Variants in GPC5 observed in about 807,000 individuals in gnomAD.
GPC5 encodes glypican-5.
GPC5 carries 47 observed loss-of-function variants against 53.9 expected under a neutral mutation model. That is an observed-to-expected ratio of 0.87 (90% CI 0.69 to 1.11). The LOEUF is 1.11. GPC5 is among the 50% of genes most tolerant of loss of function. The probability of loss-of-function intolerance (pLI) is 0.00; values close to 1 mark genes in which losing one functional copy is unlikely to be tolerated. For synonymous variants in GPC5, 286 were observed against 263.3 expected, an observed-to-expected ratio of 1.09 and a Z score of -0.84; for missense variants, 748 against 713.1, an observed-to-expected ratio of 1.05 and a Z score of -0.56.
chr13:92,209,674 CTG>C (rs1199292044), intron 7 of GPC5, among the ~76,000 whole-genome samples: 1 of 151,204 alleles, frequency 6.6e-6, no homozygotes, highest in Non-Finnish European at 1.5e-5. Context: ...ACTGCATTAA[CTG>C]TAAAAAAAAA....
At chr13:92,348,836 C>A (rs1566550596) in intron 7 of GPC5, among the ~76,000 whole-genome samples, 1 of 152,018 alleles carries the variant, frequency 6.6e-6, no homozygotes, top group African/African-American at 2.4e-5. Context: ...TGGGTCAATA[C>A]AATTTTTAAA....
intron 6 of GPC5, among the ~76,000 whole-genome samples, chr13:92,050,589 G>A (rs7993328): frequency 2.0e-5 from 3 of 152,006 alleles, no homozygotes; most frequent in Admixed American, 6.6e-5. Flanking sequence ...AGACAGCAGT[G>A]GGAAGACAGG....
At chr13:92,066,516 T>C (rs188947142) in intron 6 of GPC5, among the ~76,000 whole-genome samples, 14 of 152,094 alleles carry the variant, frequency 9.2e-5, no homozygotes, top group Non-Finnish European at 8.8e-5. Flanking sequence ...CAATTAACTT[T>C]CACGTGAGTT....
intron 7 of GPC5, among the ~76,000 whole-genome samples, chr13:92,517,519 G>C (rs1880842823): frequency 6.6e-6 from 1 of 152,114 alleles, no homozygotes; most frequent in African/African-American, 2.4e-5. Flanking sequence ...AGCAACATTT[G>C]CTGTTATATT....
intron 7 of GPC5, among the ~76,000 whole-genome samples, chr13:92,163,802 C>T (rs9523522): frequency 0.21 from 31,517 of 152,082 alleles, 3,901 homozygotes; most frequent in Non-Finnish European, 0.3. Flanking sequence ...ATTTTGTATT[C>T]GTTCTCACAC....
chr13:92,530,352 G>C (rs1477432659), intron 7 of GPC5, among the ~76,000 whole-genome samples: 1 of 152,104 alleles, frequency 6.6e-6, no homozygotes, highest in Non-Finnish European at 1.5e-5. Context: ...TTTATTCAAG[G>C]ACACATGTAG....
At chr13:91,529,242 A>C (rs1886228192) in intron 2 of GPC5, among the ~76,000 whole-genome samples, 1 of 152,226 alleles carries the variant, frequency 6.6e-6, no homozygotes, top group Non-Finnish European at 1.5e-5. Flanking sequence ...ATAAAAATTA[A>C]GAGCTTCATG....
chr13:91,457,744 T>C (rs1237729032), intron 2 of GPC5, among the ~76,000 whole-genome samples: 1 of 152,128 alleles, frequency 6.6e-6, no homozygotes, highest in Non-Finnish European at 1.5e-5. Context: ...CTGCTTTCGT[T>C]TTCATCCTTT....
At chr13:91,804,941 CA>C (rs2038196767) in intron 5 of GPC5, among the ~76,000 whole-genome samples, 1 of 152,186 alleles carries the variant, frequency 6.6e-6, no homozygotes, top group Admixed American at 6.5e-5. Context: ...TCAAGAATGT[CA>C]GGTAGCAGAA....
At chr13:92,559,443 G>A (rs1413373818) in intron 7 of GPC5, among the ~76,000 whole-genome samples, 4 of 151,322 alleles carry the variant, frequency 2.6e-5, no homozygotes, top group South Asian at 2.1e-4. Flanking sequence ...CCTTTCTAAG[G>A]AGAGACTGCC....
At chr13:91,995,933 T>C (rs943511570) in intron 6 of GPC5, 2 of 152,204 alleles carry the variant, frequency 1.3e-5, no homozygotes, top group African/African-American at 2.4e-5. Flanking sequence ...GTGAGACTGA[T>C]GGGCTCTACC....
chr13:92,646,781 T>A (rs79661971), intron 7 of GPC5, among the ~76,000 whole-genome samples: 3 of 148,796 alleles, frequency 2.0e-5, no homozygotes, highest in East Asian at 3.9e-4. Context: ...TTTTGATGTA[T>A]TGCAAATGGT....
At chr13:92,787,988 GA>G (rs1195722637) in intron 7 of GPC5, among the ~76,000 whole-genome samples, 1 of 151,698 alleles carries the variant, frequency 6.6e-6, no homozygotes, top group Admixed American at 6.6e-5. Context: ...TAATATTAAA[GA>G]ATGAGGATTT....
chr13:92,829,334 A>C (rs1248024300), intron 7 of GPC5, among the ~76,000 whole-genome samples: 1 of 152,232 alleles, frequency 6.6e-6, no homozygotes, highest in Non-Finnish European at 1.5e-5. Flanking sequence ...AAAGGTGACA[A>C]GTCAAATATC....
At chr13:91,830,174 C>A (rs1001650927) in intron 5 of GPC5, among the ~76,000 whole-genome samples, 1 of 151,948 alleles carries the variant, frequency 6.6e-6, no homozygotes, top group Non-Finnish European at 1.5e-5. Context: ...CCCCCAGGCA[C>A]GTATTCTCTT....
intron 7 of GPC5, among the ~76,000 whole-genome samples, chr13:92,850,481 C>A (rs562600345): frequency 2.9e-4 from 44 of 152,200 alleles, no homozygotes; most frequent in African/African-American, 9.4e-4. Flanking sequence ...GCACCTGTAG[C>A]ACAGCTACTT....
At chr13:91,606,838 TTC>T (rs2033384140) in intron 2 of GPC5, among the ~76,000 whole-genome samples, 1 of 152,094 alleles carries the variant, frequency 6.6e-6, no homozygotes, top group South Asian at 2.1e-4. Flanking sequence ...TATTTGATTC[TTC>T]TCTCTTTTTT....
chr13:92,452,374 A>T (rs910787379), intron 7 of GPC5, among the ~76,000 whole-genome samples: 2 of 152,220 alleles, frequency 1.3e-5, no homozygotes, highest in Admixed American at 1.3e-4. Flanking sequence ...ACTCAACAAC[A>T]AAAATAAGAA....
At chr13:92,044,418 A>G (rs2040965664) in intron 6 of GPC5, among the ~76,000 whole-genome samples, 1 of 152,210 alleles carries the variant, frequency 6.6e-6, no homozygotes, top group Non-Finnish European at 1.5e-5. Flanking sequence ...TTGGGGAGCC[A>G]TAGAATCAGA....
Sources: allele counts gnomAD v4.1 joint callset (sites outside exome capture counted in the v4.1 genomes callset), GRCh38; gene constraint gnomAD v4.1.1; transcripts MANE v1.5; gene names NCBI Gene and HGNC (gene_info 2026-07-23, HGNC 2026-07-21).